Variants in PHF24 observed in about 807,000 individuals in gnomAD.
The protein encoded by PHF24 is Galpha inhibitory interacting protein.
Under a neutral mutation model 42.6 loss-of-function variants are expected in PHF24, and 25 were observed. The ratio of observed to expected loss-of-function variants is 0.59; its 90% CI spans 0.43 to 0.82. The LOEUF (loss-of-function observed/expected upper bound fraction) is 0.82, where lower values mean the gene tolerates loss of function less well. Among genes scored for constraint, PHF24 ranks in the 40% least tolerant of loss-of-function variants. The pLI is 0.00. For synonymous variants in PHF24, 185 were observed against 204.8 expected (o/e 0.90, Z 0.83); for missense variants, 470 against 538.1 (o/e 0.87, Z 1.25).
At chr9:34,850,033 C>T in the PHF24 span, among the ~76,000 whole-genome samples, 2 of 152,222 alleles carry the variant, frequency 1.3e-5, no homozygotes, top group Non-Finnish European at 2.9e-5. Flanking sequence ...CTGCCCTTAA[C>T]ATTTTTTCCT....
the PHF24 span, among the ~76,000 whole-genome samples, chr9:34,816,537 G>C: frequency 6.6e-6 from 1 of 152,082 alleles, no homozygotes; most frequent in Non-Finnish European, 1.5e-5. Context: ...GGCAGATTTG[G>C]TATCTGGTGA....
the PHF24 span, among the ~76,000 whole-genome samples, chr9:34,911,402 C>T: frequency 3.9e-5 from 6 of 152,002 alleles, no homozygotes; most frequent in Admixed American, 6.6e-5. Context: ...TACAGGTGCC[C>T]GCCACCACGC....
At chr9:34,893,829 G>C in the PHF24 span, among the ~76,000 whole-genome samples, 2 of 152,146 alleles carry the variant, frequency 1.3e-5, no homozygotes, top group South Asian at 4.1e-4. Context: ...TTAGAACCCG[G>C]ATCAGTCTCA....
the PHF24 span, among the ~76,000 whole-genome samples, chr9:34,927,227 C>T: frequency 6.6e-6 from 1 of 152,128 alleles, no homozygotes; most frequent in Non-Finnish European, 1.5e-5. Context: ...CTGTGCAGGA[C>T]CAGAGTCACA....
At chr9:34,842,320 C>T in the PHF24 span, among the ~76,000 whole-genome samples, 1 of 152,138 alleles carries the variant, frequency 6.6e-6, no homozygotes, top group Non-Finnish European at 1.5e-5. Flanking sequence ...TTTATAAGGA[C>T]ATGTATTCCC....
the PHF24 span, chr9:34,892,581 G>T: frequency 2.2e-6 from 1 of 454,152 alleles, no homozygotes; most frequent in Non-Finnish European, 3.9e-6. Flanking sequence ...GGAATGTAGG[G>T]TCATAGGCTG....
chr9:34,843,392 T>C, the PHF24 span, among the ~76,000 whole-genome samples: 1 of 152,188 alleles, frequency 6.6e-6, no homozygotes, highest in East Asian at 1.9e-4. Context: ...GTTAAAAAAA[T>C]ATCAAGTGAC....
the PHF24 span, among the ~76,000 whole-genome samples, chr9:34,670,097 TTA>T: frequency 6.6e-6 from 1 of 152,226 alleles, no homozygotes; most frequent in Non-Finnish European, 1.5e-5. Flanking sequence ...CTGATGCACC[TTA>T]TGTCTCCACA....
chr9:34,875,948 ACACTCTCTCTCTCTCTCTCTCTCT>A, the PHF24 span, among the ~76,000 whole-genome samples: 2 of 79,828 alleles, frequency 2.5e-5, no homozygotes, highest in Admixed American at 1.4e-4. Flanking sequence ...ACACACACAC[ACACTCTCTCTCTCTCTCTCTCTCT>A]CTCTCTCTCT....
intron 1 of PHF24, among the ~76,000 whole-genome samples, chr9:34,968,587 G>A (rs1826863686): frequency 6.6e-6 from 1 of 152,158 alleles, no homozygotes; most frequent in African/African-American, 2.4e-5. Context: ...CTTGGTAGTA[G>A]TAGTGGCAAG....
chr9:34,979,773 G>C (rs1250413510), exon 8 of PHF24: 5 of 152,220 alleles, frequency 3.3e-5, no homozygotes, highest in Non-Finnish European at 7.3e-5. Flanking sequence ...CTGGAAGCAG[G>C]GTGGTGAGCT....
chr9:34,709,739 C>G, the PHF24 span: 1 of 1,613,766 alleles, frequency 6.2e-7, no homozygotes, highest in African/African-American at 1.3e-5. Flanking sequence ...CTCCCCACCC[C>G]GTCACCAGCC....
chr9:34,802,439 G>A, the PHF24 span, among the ~76,000 whole-genome samples: 4 of 151,838 alleles, frequency 2.6e-5, no homozygotes, highest in South Asian at 8.3e-4. Flanking sequence ...GTACACATTT[G>A]CATCATAGCA....
chr9:34,708,727 G>C, the PHF24 span, among the ~76,000 whole-genome samples: 1 of 152,232 alleles, frequency 6.6e-6, no homozygotes, highest in Non-Finnish European at 1.5e-5. Flanking sequence ...GTTAGTGCAG[G>C]ACAGAATCAG....
the PHF24 span, among the ~76,000 whole-genome samples, chr9:34,874,390 G>A: frequency 2.0e-5 from 3 of 152,080 alleles, no homozygotes; most frequent in East Asian, 5.8e-4. Context: ...TTAATGGGAC[G>A]TATCTCAAAA....
At chr9:34,784,782 C>G in the PHF24 span, among the ~76,000 whole-genome samples, 4,785 of 152,204 alleles carry the variant, frequency 0.031, 220 homozygotes, top group African/African-American at 0.097. Context: ...TTCTTAGTTT[C>G]AAGATAGTGA....
At chr9:34,758,180 GC>G in the PHF24 span, among the ~76,000 whole-genome samples, 1 of 152,134 alleles carries the variant, frequency 6.6e-6, no homozygotes, top group Non-Finnish European at 1.5e-5. This position sits in a 1 kb window ranked among gnomAD's most constrained non-coding sequence, Gnocchi z 4.4. Flanking sequence ...GTGCATCTTT[GC>G]CAAGAGTAGC....
At chr9:34,674,819 G>A in the PHF24 span, among the ~76,000 whole-genome samples, 1 of 152,186 alleles carries the variant, frequency 6.6e-6, no homozygotes, top group Non-Finnish European at 1.5e-5. Flanking sequence ...ACGTAGGTGG[G>A]TAAGGGTGTC....
chr9:34,706,757 G>A, the PHF24 span, among the ~76,000 whole-genome samples: 1 of 152,174 alleles, frequency 6.6e-6, no homozygotes, highest in Admixed American at 6.6e-5. Flanking sequence ...GTAGGCAAGA[G>A]TTTTGGCAGG....
Sources: gnomAD v4.1 joint callset for allele counts (sites outside exome capture counted in the v4.1 genomes callset) on GRCh38, gnomAD v4.1.1 for gene constraint, Gnocchi (gnomAD v3.1) non-coding constraint, MANE v1.5 for transcripts, NCBI Gene and HGNC (gene_info 2026-07-23, HGNC 2026-07-21) for gene names.